NRK: variants seen among roughly 807,000 people sequenced by gnomAD.
The protein encoded by NRK is nik-related protein kinase.
Under a neutral mutation model 125.2 loss-of-function variants are expected in NRK, and 67 were observed. The observed-to-expected ratio is 0.54, with a 90% CI of 0.44 to 0.66. The LOEUF is 0.66. Ranked by LOEUF, NRK falls within the 30% of genes least tolerant of loss-of-function variation. The probability of loss-of-function intolerance (pLI) is 0.00; values close to 1 mark genes in which losing one functional copy is unlikely to be tolerated. For synonymous variants in NRK, 458 were observed against 429.0 expected, an observed-to-expected ratio of 1.07 and a Z score of -0.84; for missense variants, 1,224 against 1,192.9, an observed-to-expected ratio of 1.03 and a Z score of -0.38.
At position 105,912,701 on chromosome X, in the gene NRK, T is replaced by C; in HGVS notation, c.2295T>C (p.Ala765=). 1.8e-6 allele frequency: 2 copies of C among 1,136,840 alleles called. No homozygotes were observed. Among genetic ancestry groups the C allele is most frequent in the Middle Eastern group, 2.4e-4 (1 of 4,200 alleles). The allele number at this position is 1,136,840 out of a possible 1,213,427, so 93.7% of individuals were successfully genotyped here. The change falls in exon 14 of 29, where the codon GCT becomes GCC. Residue 765 remains alanine, a synonymous_variant. Coordinates refer to ENST00000243300, the MANE Select transcript of NRK (RefSeq NM_198465.4). ...DNDEVFHSIQ[A]EVQIEPLKPY... ...ATGAAGTATTTCATTCGATTCAGGC[T>C]GAAGTCCAGATAGAGCCATTGAAGC... is the stretch of plus-strand genomic sequence containing the variant.
In NRK at chrX:105,909,858, G is replaced by A. The variant is rs1171657852; in HGVS notation, c.2217G>A (p.Glu739=). The change falls in exon 13 of 29, where the codon GAG becomes GAA. Residue 739 remains glutamate (E), a synonymous_variant. Transcript: ENST00000243300. ...GGGAAGATATCTTTAATCAGCATGA[G>A]GAAGAATTGAGACAAGTTGATAAAG... ...RRWEDIFNQH[E]EELRQVDKDK... 8.7e-7 allele frequency: 1 copy of A among 1,144,094 alleles called. No homozygotes were observed. Among genetic ancestry groups the A allele is most frequent in the Non-Finnish European group, 1.2e-6 (1 of 859,634 alleles). 94.3% of individuals were successfully genotyped at this position (1,144,094 alleles called of 1,213,427 possible).
rs182693037 is a variant in NRK at position 105,915,655 on chromosome X, A to G, written c.2350-75A>G. On this transcript the variant is annotated intron_variant, in intron 14 of 28. Coordinates refer to ENST00000243300, the MANE Select transcript of NRK (RefSeq NM_198465.4). Reference sequence around the variant, plus strand: ...TAGGAAAATATATATGAAGACAGGCATTTTCCCACAAATTAAGAGCTCAGT... The same window carrying G: ...TAGGAAAATATATATGAAGACAGGCGTTTTCCCACAAATTAAGAGCTCAGT... The G allele has an allele frequency of 1.6e-3, 781 of 500,454 alleles. 1 individual carries two copies. The highest frequency in any genetic ancestry group is 2.2e-3 in the Non-Finnish European group (633 of 289,445). The allele number at this position is 500,454 out of a possible 1,213,427, so 41.2% of individuals were successfully genotyped here.
chrX:105,898,362 T>G (rs374267910), intron 7 of NRK, among the ~76,000 whole-genome samples: 4 of 111,732 alleles, frequency 3.6e-5, no homozygotes, highest in African/African-American at 1.3e-4. Context: ...CCAAACCTAC[T>G]GTAGATTTAT....
intron 19 of NRK, 101 bp from the exon 20 acceptor site, chrX:105,934,157 T>C (rs1713074340): frequency 4.3e-6 from 2 of 464,894 alleles, no homozygotes; most frequent in African/African-American, 2.5e-5. Context: ...GTAGATGTTA[T>C]AGATCTTGCA....
In NRK at chrX:105,841,157, G is replaced by T. The variant is rs925589616; in HGVS notation, c.123+10038G>T. 9.0e-5 allele frequency among the ~76,000 whole-genome samples: 10 copies of T among 111,183 alleles called. No homozygotes were observed. In the East Asian group the frequency reaches 2.8e-3, roughly 31 times the overall value. On this transcript the variant is annotated intron_variant, in intron 2 of 28. Coordinates refer to ENST00000243300, the MANE Select transcript of NRK (RefSeq NM_198465.4). ...TAGTTGTGTGGGTGGTGCCAAAATC[G>T]CACTTGGAGATTAATGTGCTGCTGT...
intron 27 of NRK, among the ~76,000 whole-genome samples, chrX:105,951,811 A>G (rs1189425810): frequency 8.9e-6 from 1 of 112,494 alleles, no homozygotes; most frequent in Non-Finnish European, 1.9e-5. Context: ...GGTGGAAATT[A>G]TGCGATGCCA....
At chrX:105,856,966 A>C (rs2039539053) in intron 2 of NRK, among the ~76,000 whole-genome samples, 1 of 111,108 alleles carries the variant, frequency 9.0e-6, no homozygotes, top group Admixed American at 9.6e-5. Flanking sequence ...TAGTTGTGAA[A>C]GTTAACTGAG....
intron 26 of NRK, among the ~76,000 whole-genome samples, chrX:105,946,861 T>A (rs2040819702): frequency 8.9e-6 from 1 of 112,004 alleles, no homozygotes; most frequent in Non-Finnish European, 1.9e-5. Context: ...GTGCTCTACA[T>A]TCTCTACCCA....
upstream of NRK, among the ~76,000 whole-genome samples, chrX:105,822,059 T>C (rs1391033220): frequency 1.8e-5 from 2 of 112,258 alleles, no homozygotes; most frequent in Non-Finnish European, 3.8e-5. Context: ...TGTAACTCGG[T>C]AGGTCTTTGC....
intron 2 of NRK, among the ~76,000 whole-genome samples, chrX:105,852,588 A>G (rs1333157547): frequency 9.0e-6 from 1 of 111,412 alleles, no homozygotes; most frequent in Non-Finnish European, 1.9e-5. Context: ...ATATTTGGCC[A>G]TCTAATAGAG....
intron 14 of NRK, among the ~76,000 whole-genome samples, 186 bp from the exon 15 acceptor site, chrX:105,915,544 A>G (rs191029209): frequency 1.8e-5 from 2 of 111,501 alleles, no homozygotes; most frequent in East Asian, 5.6e-4. Flanking sequence ...ATATACCATC[A>G]GAAATTATGG....
chrX:105,881,820 C>A (rs2039887852), intron 4 of NRK, 41 bp downstream of exon 4: 2 of 762,946 alleles, frequency 2.6e-6, no homozygotes, highest in Non-Finnish European at 3.9e-6. Flanking sequence ...AGTAGTCTTT[C>A]CTTTCATTTT....
intron 2 of NRK, among the ~76,000 whole-genome samples, chrX:105,840,769 A>G (rs945704905): frequency 2.7e-5 from 3 of 110,561 alleles, no homozygotes; most frequent in Non-Finnish European, 5.7e-5. Flanking sequence ...TAGAAGTAAT[A>G]ATGTACTTTT....
intron 2 of NRK, among the ~76,000 whole-genome samples, chrX:105,843,931 TA>T (rs2039362647): frequency 1.8e-5 from 2 of 109,540 alleles, no homozygotes; most frequent in Admixed American, 2.0e-4. Flanking sequence ...CTTGAAATGT[TA>T]AACTCTAAAA....
At chrX:105,939,414 G>T (rs958488380) in intron 22 of NRK, among the ~76,000 whole-genome samples, 1 of 111,262 alleles carries the variant, frequency 9.0e-6, no homozygotes, top group African/African-American at 3.3e-5. Context: ...CAAGCATGCT[G>T]GAATGACAGA....
rs951596419 is a variant in NRK at position 105,857,390 on chromosome X, T to G, written c.124-22809T>G. ...TTTGAGGCAATTTGTAAAGTTAATA[T>G]GCATTGCTGAGATCGAGGTGAGAGA... On this transcript the variant is annotated intron_variant, in intron 2 of 28. Transcript: ENST00000243300. 6.3e-5 allele frequency among the ~76,000 whole-genome samples: 7 copies of G among 111,265 alleles called. No homozygotes were observed. The East Asian group carries it at 2.0e-3, about 32-fold the overall frequency.
At chrX:105,949,039 G>A (rs1011575413) in intron 26 of NRK, among the ~76,000 whole-genome samples, 2 of 110,920 alleles carry the variant, frequency 1.8e-5, no homozygotes, top group African/African-American at 6.5e-5. Flanking sequence ...TTGCAAAGGG[G>A]GAAATGACTT....
intron 5 of NRK, among the ~76,000 whole-genome samples, chrX:105,893,068 CTCATATTACCTGGA>C (rs747413810): frequency 1.3e-4 from 14 of 111,691 alleles, no homozygotes; most frequent in Admixed American, 3.8e-4. Context: ...CTTTAGTTAA[CTCATATTACCTGGA>C]TGAAAATTTA....
chrX:105,822,774 T>G lies in NRK; in HGVS notation c.-72T>G. 1 of 987,732 alleles carries G rather than the reference T, an allele frequency of 1.0e-6. No individual in the cohort carries two copies. Among genetic ancestry groups the G allele is most frequent in the Non-Finnish European group, 1.4e-6 (1 of 708,280 alleles). The allele number at this position is 987,732 out of a possible 1,213,427, so 81.4% of individuals were successfully genotyped here. A position where few individuals can be genotyped will look rare whatever the true frequency, so the allele number is the denominator to read the frequency against. On this transcript the variant is annotated 5_prime_UTR_variant, in exon 1 of 29. Coordinates refer to ENST00000243300, the MANE Select transcript of NRK (RefSeq NM_198465.4). ...CCTTCCTCTCTCCTCCCTTCAACTC[T>G]TCATCCGCTTCCACCTCAGACTCTG...
Sources: allele counts gnomAD v4.1 joint callset (sites outside exome capture counted in the v4.1 genomes callset), GRCh38; gene constraint gnomAD v4.1.1; transcripts MANE v1.5; gene names NCBI Gene and HGNC (gene_info 2026-07-23, HGNC 2026-07-21).